The following PDE4D variants were observed in gnomAD, a reference collection of about 807,000 sequenced individuals.
The protein encoded by PDE4D is phosphodiesterase 4D.
In PDE4D, 24 loss-of-function variants were observed where a neutral mutation model predicts 87.4. The observed-to-expected ratio is 0.27, with a 90% confidence interval of 0.20 to 0.39. The LOEUF (loss-of-function observed/expected upper bound fraction) is 0.39. Ranked by LOEUF, PDE4D falls within the 10% of genes least tolerant of loss-of-function variation. PDE4D has a pLI of 1.00. For synonymous variants in PDE4D, 384 were observed against 383.2 expected, an observed-to-expected ratio of 1.00 and a Z score of -0.02; for missense variants, 714 against 1,041.0, an observed-to-expected ratio of 0.69 and a Z score of 4.32.
chr5:60,283,349 T>C (rs1752120318), intron 1 of PDE4D, among the ~76,000 whole-genome samples: 1 of 152,144 alleles, frequency 6.6e-6, no homozygotes, highest in African/African-American at 2.4e-5. Context: ...CAGGTTTTAC[T>C]CATACTTTGA....
chr5:59,907,636 G>A (rs867234704), intron 3 of PDE4D, among the ~76,000 whole-genome samples: 4 of 152,012 alleles, frequency 2.6e-5, no homozygotes, highest in Non-Finnish European at 4.4e-5. Context: ...GTTCTATCAC[G>A]AACAAATCAT....
At chr5:58,985,945 T>C (rs1746321721) in intron 11 of PDE4D, among the ~76,000 whole-genome samples, 1 of 152,238 alleles carries the variant, frequency 6.6e-6, no homozygotes, top group Non-Finnish European at 1.5e-5. Context: ...ATTTTGATAA[T>C]GCCCTGGGGC....
chr5:60,156,668 A>G (rs576122328), intron 2 of PDE4D, among the ~76,000 whole-genome samples: 1 of 152,300 alleles, frequency 6.6e-6, no homozygotes, highest in South Asian at 2.1e-4. Flanking sequence ...AGAAGTATAA[A>G]ACAAAATCAC....
intron 2 of PDE4D, among the ~76,000 whole-genome samples, chr5:60,153,808 A>G (rs951487648): frequency 2.6e-5 from 4 of 152,324 alleles, no homozygotes; most frequent in Non-Finnish European, 5.9e-5. Flanking sequence ...AGAAATTAAA[A>G]TAGTTAAACT....
intron 2 of PDE4D, among the ~76,000 whole-genome samples, chr5:60,178,788 T>C (rs1784141789): frequency 6.6e-6 from 1 of 152,186 alleles, no homozygotes; most frequent in African/African-American, 2.4e-5. Flanking sequence ...TTAATACATT[T>C]ATCTAAAAGC....
intron 1 of PDE4D, among the ~76,000 whole-genome samples, chr5:60,318,009 G>C (rs1189315392): frequency 6.6e-6 from 1 of 152,150 alleles, no homozygotes; most frequent in Non-Finnish European, 1.5e-5. Context: ...AGGTCTGCTT[G>C]GTGCAGAGCT....
At chr5:60,497,491 C>T (rs952585861) in intron 1 of PDE4D, among the ~76,000 whole-genome samples, 2 of 152,020 alleles carry the variant, frequency 1.3e-5, no homozygotes, top group Admixed American at 6.6e-5. Context: ...CAGCCTCAAC[C>T]TCCCAGTTGC....
At chr5:59,126,044 T>C (rs527745280) in intron 5 of PDE4D, among the ~76,000 whole-genome samples, 3 of 150,458 alleles carry the variant, frequency 2.0e-5, no homozygotes, top group Non-Finnish European at 2.9e-5. Context: ...TAGGCCCTTA[T>C]TGGATCCTGG....
intron 1 of PDE4D, among the ~76,000 whole-genome samples, chr5:60,513,821 AAT>A (rs764085861): frequency 1.3e-4 from 19 of 151,898 alleles, no homozygotes; most frequent in Admixed American, 3.3e-4. Context: ...CATATAGCTA[AAT>A]CCAGCCTTTG....
At chr5:60,492,902 T>TA (rs986138197), upstream of PDE4D, among the ~76,000 whole-genome samples, 4 of 147,490 alleles carry the variant, frequency 2.7e-5, no homozygotes, top group Non-Finnish European at 6.0e-5. Context: ...AAAAAAAGAT[T>TA]AAAAAAAAGA....
At chr5:59,006,300 C>T (rs1211376589) in intron 6 of PDE4D, among the ~76,000 whole-genome samples, 1 of 152,246 alleles carries the variant, frequency 6.6e-6, no homozygotes, top group Admixed American at 6.5e-5. Context: ...TGAAGTGCCT[C>T]ATGCCTGTAA....
intron 1 of PDE4D, among the ~76,000 whole-genome samples, chr5:59,871,534 A>C (rs1190590230): frequency 6.6e-6 from 1 of 152,250 alleles, no homozygotes; most frequent in Non-Finnish European, 1.5e-5. Flanking sequence ...AATAGAAAAT[A>C]ATATAATGAT....
At chr5:59,031,735 A>G (rs1311820550) in intron 6 of PDE4D, among the ~76,000 whole-genome samples, 1 of 147,478 alleles carries the variant, frequency 6.8e-6, no homozygotes, top group Non-Finnish European at 1.5e-5. Flanking sequence ...AAAAAAAAAA[A>G]GATTACACAG....
chr5:60,423,724 CA>C (rs1241042973), intron 1 of PDE4D, among the ~76,000 whole-genome samples: 1 of 151,808 alleles, frequency 6.6e-6, no homozygotes, highest in African/African-American at 2.4e-5. Context: ...TAGAGACACA[CA>C]AAAAACCCTT....
chr5:59,546,103 T>C (rs1817222551), intron 1 of PDE4D, among the ~76,000 whole-genome samples: 1 of 152,182 alleles, frequency 6.6e-6, no homozygotes, highest in Non-Finnish European at 1.5e-5. Context: ...ATGTAACCAA[T>C]TTAGCTATGA....
At chr5:59,058,560 T>C (rs1040850910) in intron 5 of PDE4D, among the ~76,000 whole-genome samples, 1 of 152,216 alleles carries the variant, frequency 6.6e-6, no homozygotes, top group Non-Finnish European at 1.5e-5. Flanking sequence ...AAAAGTGTTC[T>C]GGTTTGAATG....
intron 6 of PDE4D, among the ~76,000 whole-genome samples, chr5:59,011,252 T>C (rs1345118767): frequency 6.6e-6 from 1 of 152,148 alleles, no homozygotes; most frequent in East Asian, 1.9e-4. Context: ...TCCAAAGGAA[T>C]GCAGCTCCTC....
intron 2 of PDE4D, among the ~76,000 whole-genome samples, chr5:60,105,588 A>G (rs186958852): frequency 6.6e-6 from 1 of 152,302 alleles, no homozygotes; most frequent in East Asian, 1.9e-4. Flanking sequence ...AAATGAAGGA[A>G]AAAATGTTAA....
chr5:59,324,153 C>A (rs536700432), intron 1 of PDE4D, among the ~76,000 whole-genome samples: 1 of 152,292 alleles, frequency 6.6e-6, no homozygotes, highest in African/African-American at 2.4e-5. Flanking sequence ...TGGCATTCCT[C>A]TCTCCCTCTT....
Sources: allele counts gnomAD v4.1 joint callset (sites outside exome capture counted in the v4.1 genomes callset), GRCh38; gene constraint gnomAD v4.1.1; transcripts MANE v1.5; gene names NCBI Gene and HGNC (gene_info 2026-07-23, HGNC 2026-07-21).